Variants in LATS1 observed in about 807,000 individuals in gnomAD.
LATS1 encodes the protein large tumor suppressor kinase 1.
Under a neutral mutation model 106.6 loss-of-function variants are expected in LATS1, and 25 were observed. That is an observed-to-expected ratio of 0.23 (90% CI 0.17 to 0.33). The LOEUF (loss-of-function observed/expected upper bound fraction) is 0.33. Ranked by LOEUF, LATS1 falls within the 10% of genes least tolerant of loss-of-function variation. The pLI is 1.00. For missense variants in LATS1, 1,040 were observed against 1,382.6 expected (o/e 0.75, Z 3.93); for synonymous variants, 465 against 455.6 (o/e 1.02, Z -0.26).
At chr6:149,713,624 T>C (rs1784228237) in intron 1 of LATS1, among the ~76,000 whole-genome samples, 1 of 152,094 alleles carries the variant, frequency 6.6e-6, no homozygotes, top group South Asian at 2.1e-4. Flanking sequence ...GGCAGCACCA[T>C]ATATGATGCT....
chr6:149,661,940 A>G lies in LATS1; in HGVS notation c.3182T>C (p.Leu1061Pro), dbSNP rs769605706. ...CTTTCCATTTTTATACCATCCATTG[A>G]GAGTGTCATTTACATTTTCTTCCTC... ...DNEEENVNDT[L>P]NGWYKNGKHP... Residue 1061 changes from leucine (L) to proline (P), a missense_variant, in exon 8 of 8, where the codon CTC (leucine) becomes CCC (proline). This residue lies in a region of LATS1 where 113 missense variants were observed against 146.3 expected (regional missense o/e 0.77). Coordinates refer to ENST00000543571, the MANE Select transcript of LATS1 (RefSeq NM_004690.4). The G allele has an allele frequency of 6.2e-7, 1 of 1,614,004 alleles. No homozygotes were observed. The highest frequency in any genetic ancestry group is 8.5e-7 in the Non-Finnish European group (1 of 1,179,944).
At position 149,687,210 on chromosome 6, in the gene LATS1, C is replaced by G. The variant is rs1452525259; in HGVS notation, c.497-2618G>C. 6.6e-5 allele frequency among the ~76,000 whole-genome samples: 10 copies of G among 151,748 alleles called. 1 individual carries two copies. The South Asian group carries it at 2.1e-3, about 32-fold the overall frequency. ...GGTTTAGGCGATTCTCCTGCCTCAG[C>G]CCCCTGTGTAGCTGGGATTACAGGC... On this transcript the variant is annotated intron_variant, in intron 3 of 7. Coordinates refer to ENST00000543571, the MANE Select transcript of LATS1 (RefSeq NM_004690.4).
Position 149,701,219 on chromosome 6 carries a change from G to T in LATS1, c.348+560C>A, listed in dbSNP as rs183334036. Among the ~76,000 whole-genome samples the T allele has an allele frequency of 2.2e-4, 33 of 152,328 alleles. No individual in the cohort carries two copies. The East Asian group carries it at 6.2e-3, about 28-fold the overall frequency. Reference sequence around the variant, plus strand: ...ATTCTATTAATAACCTAAATGAAATGATTAAATATATGGGTTATGAAAAAA... The same window carrying T: ...ATTCTATTAATAACCTAAATGAAATTATTAAATATATGGGTTATGAAAAAA... On this transcript the variant is annotated intron_variant, in intron 2 of 7. Coordinates refer to ENST00000543571, the MANE Select transcript of LATS1 (RefSeq NM_004690.4).
intron 3 of LATS1, among the ~76,000 whole-genome samples, chr6:149,693,984 G>T (rs987123137): frequency 5.3e-5 from 8 of 151,998 alleles, no homozygotes; most frequent in Non-Finnish European, 1.0e-4. Context: ...CCAGCTACTT[G>T]TGGGCTGGGG....
At chr6:149,706,672 G>GA (rs1783791016) in intron 1 of LATS1, among the ~76,000 whole-genome samples, 1 of 152,148 alleles carries the variant, frequency 6.6e-6, no homozygotes, top group Non-Finnish European at 1.5e-5. Context: ...GTCCTTTTGA[G>GA]AGGCAGAAGG....
In LATS1 at chr6:149,676,654, G is replaced by A. The variant is rs769042885; in HGVS notation, c.2677C>T (p.Pro893Ser). 6 of 1,614,024 alleles carry A rather than the reference G, an allele frequency of 3.7e-6. No individual in the cohort carries two copies. The highest frequency in any genetic ancestry group is 5.1e-6 in the Non-Finnish European group (6 of 1,179,984). Residue 893 changes from proline (P) to serine (S), a missense_variant, in exon 6 of 8, where the codon CCA becomes TCA. Around this residue, in one of 7 missense-constraint regions of LATS1, gnomAD observed 63 missense variants for 64.3 expected, o/e 0.98. Transcript: ENST00000543571. The stretch of plus-strand genomic sequence containing the variant: ...TGGCGTGCAGCTCTCCGCTCTAATG[G>A]CTTCAGTCTGTCTCCACATCGACAG... ...SSCRCGDRLK[P>S]LERRAARQHQ...
At chr6:149,676,875 C>T in intron 5 of LATS1, 138 bp from the exon 6 acceptor site, 1 of 704,176 alleles carries the variant, frequency 1.4e-6, no homozygotes, top group South Asian at 2.1e-5. Flanking sequence ...TATGCCAAAT[C>T]ACTGATGGTG....
intron 1 of LATS1, among the ~76,000 whole-genome samples, chr6:149,709,428 G>C (rs555653338): frequency 1.3e-5 from 2 of 152,182 alleles, no homozygotes; most frequent in African/African-American, 2.4e-5. Context: ...GCTGTCTCTT[G>C]TGCGGAAAAT....
chr6:149,684,309 ACCTCTTGGAGGGGGAGTCTGG>A lies in LATS1; in HGVS notation c.759_779del (p.Gln254_Gly260del), dbSNP rs1782236161. The A allele has an allele frequency of 1.9e-6, 3 of 1,613,168 alleles. No individual in the cohort carries two copies. Among genetic ancestry groups the A allele is most frequent in the South Asian group, 2.2e-5 (2 of 91,020 alleles). On this transcript the variant is annotated inframe_deletion, in exon 4 of 8. Transcript: ENST00000543571. ...CCCATGAAGGGGGAGGTGGAGTTGT[ACCTCTTGGAGGGGGAGTCTGG>A]CCTCTTGGAGGTGGTGGAGGAGTAA... is the stretch of plus-strand genomic sequence containing the variant.
intron 7 of LATS1, among the ~76,000 whole-genome samples, chr6:149,675,142 A>G (rs1781647493): frequency 6.6e-6 from 1 of 150,862 alleles, no homozygotes; most frequent in Non-Finnish European, 1.5e-5. Context: ...GCTTGAACCC[A>G]GGAGGCAGAA....
At chr6:149,709,251 A>C (rs573299966) in intron 1 of LATS1, among the ~76,000 whole-genome samples, 223 of 152,326 alleles carry the variant, frequency 1.5e-3, no homozygotes, top group African/African-American at 3.5e-3. Flanking sequence ...CACTAACATT[A>C]AAACAAATCT....
chr6:149,711,147 C>T (rs1417993209), intron 1 of LATS1, among the ~76,000 whole-genome samples: 1 of 151,954 alleles, frequency 6.6e-6, no homozygotes, highest in Non-Finnish European at 1.5e-5. Flanking sequence ...TTTACCAATA[C>T]ATGTGAACTT....
At chr6:149,670,747 A>C (rs764267109) in intron 7 of LATS1, among the ~76,000 whole-genome samples, 1 of 152,066 alleles carries the variant, frequency 6.6e-6, no homozygotes, top group Non-Finnish European at 1.5e-5. Context: ...ACATTTAAAG[A>C]AACATGTCAG....
chr6:149,702,760 C>G (rs1783535312), intron 1 of LATS1, among the ~76,000 whole-genome samples: 1 of 152,142 alleles, frequency 6.6e-6, no homozygotes, highest in African/African-American at 2.4e-5. Context: ...CAAACTCTGC[C>G]TCCTGGGTTC....
At position 149,683,439 on chromosome 6, in the gene LATS1, T is replaced by G; in HGVS notation, c.1650A>C (p.Pro550=). Residue 550 remains proline, a synonymous_variant, in exon 4 of 8, where the codon CCA becomes CCC. Transcript: ENST00000543571. ...VTVMPPVAEA[P]NYQGPPPPYP... is the part of the protein sequence containing the mutation. ...AGGGTGGTGGTGGTCCTTGATAGTT[T>G]GGAGCTTCAGCAACAGGTGGCATCA... 1.2e-6 allele frequency: 2 copies of G among 1,614,188 alleles called. No individual in the cohort carries two copies. Among genetic ancestry groups the G allele is most frequent in the Non-Finnish European group, 1.7e-6 (2 of 1,180,042 alleles).
At chr6:149,698,621 G>A (rs1031856503) in intron 2 of LATS1, among the ~76,000 whole-genome samples, 2 of 151,304 alleles carry the variant, frequency 1.3e-5, no homozygotes, top group Non-Finnish European at 2.9e-5. Context: ...TGTGATCTCG[G>A]CCCACTGCAA....
chr6:149,712,606 C>A (rs1385956159), intron 1 of LATS1, among the ~76,000 whole-genome samples: 3 of 152,194 alleles, frequency 2.0e-5, no homozygotes, highest in African/African-American at 7.2e-5. Context: ...CCACCTTAGC[C>A]TCCCAAAGTG....
At chr6:149,704,802 T>C (rs1228887586) in intron 1 of LATS1, among the ~76,000 whole-genome samples, 1 of 152,044 alleles carries the variant, frequency 6.6e-6, no homozygotes, top group Non-Finnish European at 1.5e-5. Flanking sequence ...GTAAACTTTA[T>C]AGTATATAAA....
Position 149,676,283 on chromosome 6 carries a change from T to A in LATS1, c.2860A>T (p.Thr954Ser). The stretch of plus-strand genomic sequence containing the variant: ...ACCTTCATTTGTGTTTCTAATGGTG[T>A]TTGTGCCAAGAAAGGAGGTTGTCCC... Reference protein sequence around the residue: ...LVGQPPFLAQTPLETQMKVIN... With the variant: ...LVGQPPFLAQSPLETQMKVIN... Residue 954 changes from threonine to serine, a missense_variant, in exon 7 of 8, where the codon ACA (threonine) becomes TCA (serine). Transcript: ENST00000543571. 6.2e-7 allele frequency: 1 copy of A among 1,611,884 alleles called. No individual in the cohort carries two copies. The highest frequency in any genetic ancestry group is 8.5e-7 in the Non-Finnish European group (1 of 1,177,940).
Sources: allele counts gnomAD v4.1 joint callset (sites outside exome capture counted in the v4.1 genomes callset), GRCh38; gene constraint gnomAD v4.1.1; regional missense constraint gnomAD v4.1.1; transcripts MANE v1.5; gene names NCBI Gene and HGNC (gene_info 2026-07-23, HGNC 2026-07-21).